Variants in PACRG observed in about 807,000 individuals in gnomAD.
PACRG encodes the protein parkin coregulated gene protein.
PACRG carries 29 observed loss-of-function variants against 29.7 expected under a neutral mutation model. The observed-to-expected ratio is 0.98, with a 90% CI of 0.73 to 1.33. PACRG has a LOEUF of 1.33. Ranked by LOEUF, PACRG falls within the 40% of genes most tolerant of loss-of-function variation. The pLI is 0.00. For synonymous variants in PACRG, 116 were observed against 118.7 expected, an observed-to-expected ratio of 0.98 and a Z score of 0.15; for missense variants, 279 against 316.2, an observed-to-expected ratio of 0.88 and a Z score of 0.89.
chr6:162,815,334 C>A (rs1323180561), intron 2 of PACRG, among the ~76,000 whole-genome samples: 3 of 150,780 alleles, frequency 2.0e-5, no homozygotes, highest in Admixed American at 1.3e-4. Flanking sequence ...AAGTAAATAG[C>A]TTAAAAAGGT....
rs1783773201 is a variant in PACRG at position 162,777,890 on chromosome 6, T to A, written c.157-36257T>A. Among the ~76,000 whole-genome samples the A allele has an allele frequency of 6.6e-6, 1 of 152,052 alleles. No homozygotes were observed. The highest frequency in any genetic ancestry group is 1.5e-5 in the Non-Finnish European group (1 of 68,010). ...TTCCTTCCCACCCTCCTTCCTTCTT[T>A]CCTTCCTTCTTTCATTCCTTCCTTC... On this transcript the variant is annotated intron_variant, in intron 1 of 4. Transcript: ENST00000366888. The surrounding 1 kb of genome is among the most constrained non-coding windows in gnomAD (Gnocchi z 4.0).
chr6:163,009,310 A>C (rs1805404832), intron 2 of PACRG, among the ~76,000 whole-genome samples: 1 of 152,220 alleles, frequency 6.6e-6, no homozygotes, highest in African/African-American at 2.4e-5. Context: ...GATAGCTCAA[A>C]GTTTTTCATC....
At chr6:163,065,233 A>C (rs1460938293) in intron 3 of PACRG, among the ~76,000 whole-genome samples, 3 of 152,172 alleles carry the variant, frequency 2.0e-5, no homozygotes, top group Non-Finnish European at 4.4e-5. Context: ...TCATGCTGAC[A>C]TAAAGTGCTC....
At chr6:162,877,384 A>G (rs1231892459) in intron 2 of PACRG, among the ~76,000 whole-genome samples, 2 of 152,112 alleles carry the variant, frequency 1.3e-5, no homozygotes, top group Admixed American at 6.6e-5. Context: ...GAGTTGAACA[A>G]TGAGAACAAA....
intron 4 of PACRG, among the ~76,000 whole-genome samples, chr6:163,277,302 T>G (rs915540950): frequency 6.6e-6 from 1 of 152,068 alleles, no homozygotes; most frequent in Non-Finnish European, 1.5e-5. Flanking sequence ...ATCATTCTCA[T>G]GCCTTTGCGT....
At chr6:163,011,871 C>A (rs1297976589) in intron 2 of PACRG, among the ~76,000 whole-genome samples, 1 of 152,168 alleles carries the variant, frequency 6.6e-6, no homozygotes, top group African/African-American at 2.4e-5. Flanking sequence ...CCTGAGCCCA[C>A]ACAGGGTCAG....
intron 2 of PACRG, among the ~76,000 whole-genome samples, chr6:162,825,941 T>C (rs1211590628): frequency 6.6e-6 from 1 of 152,098 alleles, no homozygotes; most frequent in Non-Finnish European, 1.5e-5. Context: ...TTATTTATTT[T>C]ATTTTATTTT....
At chr6:162,773,585 G>A (rs1053211910) in intron 1 of PACRG, among the ~76,000 whole-genome samples, 4 of 132,258 alleles carry the variant, frequency 3.0e-5, no homozygotes, top group African/African-American at 8.8e-5. Context: ...CGCAATCTCG[G>A]CTCACTGCAA....
chr6:163,100,106 C>T (rs1208563682), intron 4 of PACRG, among the ~76,000 whole-genome samples: 2 of 152,040 alleles, frequency 1.3e-5, no homozygotes, highest in African/African-American at 4.8e-5. Context: ...CCTGGGCTGC[C>T]CCAGGAGCCG....
chr6:163,125,478 A>G (rs1816479014), intron 4 of PACRG, among the ~76,000 whole-genome samples: 1 of 152,234 alleles, frequency 6.6e-6, no homozygotes, highest in Admixed American at 6.5e-5. Flanking sequence ...GGCAAATTGG[A>G]ACAACATAAT....
intron 2 of PACRG, among the ~76,000 whole-genome samples, chr6:162,995,384 A>G (rs1466386058): frequency 1.3e-5 from 2 of 151,768 alleles, no homozygotes; most frequent in African/African-American, 4.9e-5. Context: ...TGTGCTAGCA[A>G]TCAGCGAGAT....
At chr6:163,157,754 G>A (rs750192999) in intron 4 of PACRG, among the ~76,000 whole-genome samples, 2 of 152,222 alleles carry the variant, frequency 1.3e-5, no homozygotes, top group Admixed American at 1.3e-4. Flanking sequence ...CAAGCACTCG[G>A]CTTGGAAGAT....
chr6:163,216,094 T>TAGAC, intron 4 of PACRG, among the ~76,000 whole-genome samples: 3 of 152,336 alleles, frequency 2.0e-5, no homozygotes, highest in Middle Eastern at 6.8e-3. Flanking sequence ...ACATGAAATG[T>TAGAC]AGACTTTTCC....
chr6:163,225,463 C>T (rs1781752584), intron 4 of PACRG, among the ~76,000 whole-genome samples: 1 of 152,202 alleles, frequency 6.6e-6, no homozygotes, highest in South Asian at 2.1e-4. Context: ...CTGTAAGTTT[C>T]CTGAGGCCTC....
intron 1 of PACRG, among the ~76,000 whole-genome samples, chr6:162,770,451 C>G (rs1326231630): frequency 6.6e-6 from 1 of 152,164 alleles, no homozygotes; most frequent in Admixed American, 6.5e-5. Context: ...CTAGCTTTCT[C>G]ATAAATCAAC....
chr6:162,940,398 CTCTCTCTCCTGCCCATTTCTCCTA>C (rs1798533887), intron 2 of PACRG, among the ~76,000 whole-genome samples: 1 of 152,098 alleles, frequency 6.6e-6, no homozygotes, highest in Non-Finnish European at 1.5e-5. Context: ...CTCCCTCTCT[CTCTCTCTCCTGCCCATTTCTCCTA>C]TCTCTCTCTG....
intron 1 of PACRG, among the ~76,000 whole-genome samples, chr6:162,741,638 A>T (rs1780608055): frequency 6.6e-6 from 1 of 152,180 alleles, no homozygotes; most frequent in Non-Finnish European, 1.5e-5. Context: ...CACATTAGGG[A>T]TTAGAGCTTC....
chr6:163,314,560 C>T (rs1436916930), intron 4 of PACRG, among the ~76,000 whole-genome samples: 3 of 152,240 alleles, frequency 2.0e-5, no homozygotes, highest in Non-Finnish European at 2.9e-5. Context: ...AGAGAGTCCC[C>T]GACTTGTCAT....
At chr6:163,194,795 T>C (rs1780371347) in intron 4 of PACRG, among the ~76,000 whole-genome samples, 1 of 152,196 alleles carries the variant, frequency 6.6e-6, no homozygotes, top group Admixed American at 6.5e-5. Context: ...GGAATGGGGC[T>C]GCCTGTTGAG....
Sources: allele counts gnomAD v4.1 joint callset (sites outside exome capture counted in the v4.1 genomes callset), GRCh38; gene constraint gnomAD v4.1.1; non-coding constraint Gnocchi (gnomAD v3.1); transcripts MANE v1.5; gene names NCBI Gene and HGNC (gene_info 2026-07-23, HGNC 2026-07-21).